The following EYS variants were observed in gnomAD, a reference collection of about 807,000 sequenced individuals.
The protein encoded by EYS is EGF-like photoreceptor maintenance factor.
In EYS, 250 loss-of-function variants were observed where a neutral mutation model predicts 282.1. That is an observed-to-expected ratio of 0.89 (90% CI 0.80 to 0.98). The LOEUF (loss-of-function observed/expected upper bound fraction) is 0.98. Ranked by LOEUF, EYS falls within the 50% of genes least tolerant of loss-of-function variation. EYS has a pLI of 0.00. For synonymous variants in EYS, 1,355 were observed against 1,282.9 expected, an observed-to-expected ratio of 1.06 and a Z score of -1.20; for missense variants, 4,016 against 3,709.0, an observed-to-expected ratio of 1.08 and a Z score of -2.15.
chr6:64,135,530 G>A (rs1562218928), intron 31 of EYS, among the ~76,000 whole-genome samples: 1 of 151,970 alleles, frequency 6.6e-6, no homozygotes, highest in Non-Finnish European at 1.5e-5. Flanking sequence ...AAAGTGTTTG[G>A]ATAATATTTA....
chr6:65,563,274 T>C (rs954039840), intron 2 of EYS, among the ~76,000 whole-genome samples: 2 of 152,106 alleles, frequency 1.3e-5, no homozygotes, highest in African/African-American at 4.8e-5. Flanking sequence ...TTACCAATTA[T>C]ACAAGTTGCA....
At chr6:64,435,604 C>CA (rs1774716041) in intron 28 of EYS, among the ~76,000 whole-genome samples, 1 of 150,172 alleles carries the variant, frequency 6.7e-6, no homozygotes. Flanking sequence ...AGGCACATAA[C>CA]AAAAAAGCAT....
At chr6:64,357,543 CT>C (rs1771864501) in intron 29 of EYS, among the ~76,000 whole-genome samples, 1 of 151,478 alleles carries the variant, frequency 6.6e-6, no homozygotes, top group South Asian at 2.1e-4. Flanking sequence ...CCTTTTTCTA[CT>C]TTTGAAGCAT....
At chr6:64,756,186 A>T (rs910160976) in intron 22 of EYS, among the ~76,000 whole-genome samples, 7 of 152,170 alleles carry the variant, frequency 4.6e-5, no homozygotes, top group African/African-American at 1.7e-4. Context: ...TTTGTTTCAC[A>T]ATTTGTTTTA....
intron 5 of EYS, among the ~76,000 whole-genome samples, chr6:65,452,159 T>C (rs1000086863): frequency 1.7e-4 from 26 of 151,892 alleles, no homozygotes; most frequent in African/African-American, 6.3e-4. Flanking sequence ...TCAGCTCTTA[T>C]TAATAGCAAG....
At chr6:64,363,506 A>G (rs1772086635) in intron 29 of EYS, among the ~76,000 whole-genome samples, 1 of 151,838 alleles carries the variant, frequency 6.6e-6, no homozygotes, top group Non-Finnish European at 1.5e-5. Context: ...ATTATTTAAT[A>G]TTTCTGACAT....
At chr6:63,777,078 A>ATT (rs1431021203) in intron 40 of EYS, among the ~76,000 whole-genome samples, 1 of 152,208 alleles carries the variant, frequency 6.6e-6, no homozygotes, top group African/African-American at 2.4e-5. Context: ...CAAGCCTTAC[A>ATT]TTTTGTCCTC....
intron 15 of EYS, among the ~76,000 whole-genome samples, chr6:64,945,283 T>C (rs924437424): frequency 5.3e-5 from 8 of 152,028 alleles, no homozygotes; most frequent in African/African-American, 1.4e-4. Flanking sequence ...AGAATTTCTA[T>C]TTGGAGTTTC....
intron 11 of EYS, among the ~76,000 whole-genome samples, chr6:65,310,136 G>A (rs544737352): frequency 1.3e-5 from 2 of 152,218 alleles, no homozygotes; most frequent in East Asian, 1.9e-4. Flanking sequence ...TTGAGGTCAG[G>A]AGTTCGAGAC....
chr6:64,222,548 A>G (rs1766134682), intron 31 of EYS, among the ~76,000 whole-genome samples: 1 of 152,040 alleles, frequency 6.6e-6, no homozygotes, highest in Admixed American at 6.6e-5. Flanking sequence ...TAACTAGAGA[A>G]TAGTATTTTC....
At chr6:64,069,413 ATTG>A (rs1450310779) in intron 32 of EYS, among the ~76,000 whole-genome samples, 2 of 151,888 alleles carry the variant, frequency 1.3e-5, no homozygotes, top group Non-Finnish European at 1.5e-5. Context: ...CTTTTCTTCT[ATTG>A]TTTTTATCAG....
chr6:63,757,460 ACTTTGCCCTTTGCCTTGTGATCTTG>A (rs922009030), intron 41 of EYS, among the ~76,000 whole-genome samples: 40 of 151,890 alleles, frequency 2.6e-4, no homozygotes, highest in Admixed American at 2.2e-3. Flanking sequence ...GGAGTTTTTG[ACTTTGCCCTTTGCCTTGTGATCTTG>A]CTTTGCCCTT....
Position 63,903,193 on chromosome 6 carries a change from C to T in EYS, c.7056-38835G>A, listed in dbSNP as rs377714239. On this transcript the variant is annotated intron_variant, in intron 35 of 42. Coordinates refer to ENST00000503581, the MANE Select transcript of EYS (RefSeq NM_001142800.2). Reference sequence around the variant, plus strand: ...ATTTGAGGTTATATGGAAGAATGAACATATTGATCAAATATGGAATCTAAG... The same window carrying T: ...ATTTGAGGTTATATGGAAGAATGAATATATTGATCAAATATGGAATCTAAG... Among the ~76,000 whole-genome samples, 9 of 152,106 alleles carry T rather than the reference C, an allele frequency of 5.9e-5. No homozygotes were observed. The East Asian group carries it at 9.7e-4, about 16-fold the overall frequency.
intron 26 of EYS, among the ~76,000 whole-genome samples, chr6:64,487,055 A>G (rs540513739): frequency 4.0e-5 from 6 of 151,380 alleles, no homozygotes; most frequent in Non-Finnish European, 7.4e-5. Context: ...TACAGGTAAA[A>G]AGGAATGCAA....
chr6:64,518,285 A>G (rs1777622861), intron 26 of EYS, among the ~76,000 whole-genome samples: 1 of 151,778 alleles, frequency 6.6e-6, no homozygotes, highest in South Asian at 2.1e-4. Flanking sequence ...ACCTGCTAAT[A>G]AAACCTTCAG....
intron 1 of EYS, among the ~76,000 whole-genome samples, chr6:65,691,683 C>G (rs1162117624): frequency 1.3e-5 from 2 of 150,236 alleles, no homozygotes; most frequent in African/African-American, 4.9e-5. Context: ...ATGGTATTGC[C>G]TAGGTTTTCT....
chr6:65,614,527 A>G (rs1271434191), intron 2 of EYS, among the ~76,000 whole-genome samples: 1 of 152,106 alleles, frequency 6.6e-6, no homozygotes, highest in Non-Finnish European at 1.5e-5. Context: ...GACTCAGAAG[A>G]AAGTACAATA....
At chr6:65,011,358 C>G (rs1430912727) in intron 13 of EYS, among the ~76,000 whole-genome samples, 2 of 152,166 alleles carry the variant, frequency 1.3e-5, no homozygotes, top group East Asian at 3.9e-4. Flanking sequence ...ATCCCTGTAT[C>G]TTTAACCTCC....
At chr6:64,195,710 C>T (rs1765267496) in intron 31 of EYS, among the ~76,000 whole-genome samples, 3 of 151,720 alleles carry the variant, frequency 2.0e-5, no homozygotes, top group Admixed American at 6.6e-5. Flanking sequence ...AATTTTTATC[C>T]AGAATACCTA....
Sources: allele counts gnomAD v4.1 joint callset (sites outside exome capture counted in the v4.1 genomes callset), GRCh38; gene constraint gnomAD v4.1.1; transcripts MANE v1.5; gene names NCBI Gene and HGNC (gene_info 2026-07-23, HGNC 2026-07-21).